The following ZNF317 variants were observed in gnomAD, a reference collection of about 807,000 sequenced individuals.
ZNF317 encodes the protein zinc finger protein 317.
Under a neutral mutation model 23.4 loss-of-function variants are expected in ZNF317, and 17 were observed. The ratio of observed to expected loss-of-function variants is 0.73; its 90% CI spans 0.50 to 1.09. The LOEUF is 1.09. Among genes scored for constraint, ZNF317 ranks in the 50% least tolerant of loss-of-function variants. ZNF317 has a pLI of 0.00. For synonymous variants in ZNF317, 317 were observed against 314.9 expected, an observed-to-expected ratio of 1.01 and a Z score of -0.07; for missense variants, 679 against 796.7, an observed-to-expected ratio of 0.85 and a Z score of 1.78.
rs879243114 is a variant in ZNF317, at chr19:9,160,254, C to T, written c.609C>T (p.Phe203=). The change falls in exon 7 of 7, where the codon TTC becomes TTT. Residue 203 remains phenylalanine (F), a synonymous_variant. Transcript: ENST00000247956. This position sits in a 1 kb window ranked among gnomAD's most constrained non-coding sequence, Gnocchi z 6.8. The stretch of plus-strand genomic sequence containing the variant: ...ACCGCCGCGACTATGGGGTAGCGTT[C>T]AAGGGCAGGCCGCACCTCACTCAGC... ...PYHRRDYGVA[F]KGRPHLTQHM... The T allele has an allele frequency of 1.2e-6, 2 of 1,614,160 alleles. No individual in the cohort carries two copies. The highest frequency in any genetic ancestry group is 1.1e-5 in the South Asian group (1 of 91,084).
chr19:9,144,859 T>A (rs923857049), intron 1 of ZNF317, among the ~76,000 whole-genome samples: 1 of 152,126 alleles, frequency 6.6e-6, no homozygotes, highest in Admixed American at 6.5e-5. Flanking sequence ...TTTGATGATG[T>A]CTCTTTTCTG....
At chr19:9,158,693 T>A in intron 5 of ZNF317, 133 bp from the exon 6 acceptor site, 1 of 660,770 alleles carries the variant, frequency 1.5e-6, no homozygotes, top group South Asian at 1.8e-5. Context: ...CATGACCAGA[T>A]TTTTTAACAA....
rs780336125 is a variant in ZNF317 at position 9,158,889 on chromosome 19, C to A, written c.449C>A (p.Thr150Lys). 9.7e-5 allele frequency: 156 copies of A among 1,611,284 alleles called. No homozygotes were observed. Among genetic ancestry groups the A allele is most frequent in the Non-Finnish European group, 1.3e-4 (152 of 1,177,560 alleles). ...ATGGAAGATATTTTTGGGAAGGAAACGCCCAGTGGTGTGACGATGGTAAGA... is the reference window on the plus strand; with the variant it reads ...ATGGAAGATATTTTTGGGAAGGAAAAGCCCAGTGGTGTGACGATGGTAAGA... ...LLMEDIFGKE[T>K]PSGVTMERAG... The change falls in exon 6 of 7, where the codon ACG (threonine) becomes AAG (lysine). Residue 150 changes from threonine to lysine, a missense_variant. Thr to Lys is a moderately conservative substitution (Grantham distance 78). Coordinates refer to ENST00000247956, the MANE Select transcript of ZNF317 (RefSeq NM_020933.5).
intron 1 of ZNF317, among the ~76,000 whole-genome samples, chr19:9,155,508 G>A (rs1380943522): frequency 6.6e-6 from 1 of 152,184 alleles, no homozygotes; most frequent in Non-Finnish European, 1.5e-5. Context: ...GGGTGTATAT[G>A]TTGGTGTGGA....
intron 4 of ZNF317, chr19:9,157,778 T>C: frequency 7.5e-7 from 1 of 1,331,598 alleles, no homozygotes; most frequent in African/African-American, 1.5e-5. Context: ...CGAGCCACCA[T>C]GCTTTGCCTG....
intron 1 of ZNF317, among the ~76,000 whole-genome samples, chr19:9,143,305 A>C (rs1480471574): frequency 6.6e-6 from 1 of 152,078 alleles, no homozygotes; most frequent in African/African-American, 2.4e-5. Context: ...CTTCTTAAAG[A>C]ACTTCTGGCT....
chr19:9,148,064 C>T (rs951801510), intron 1 of ZNF317, among the ~76,000 whole-genome samples: 1 of 152,172 alleles, frequency 6.6e-6, no homozygotes, highest in African/African-American at 2.4e-5. Context: ...TATGCTTTGC[C>T]TGCTTCCCTT....
chr19:9,157,081 C>T (rs2050791907), intron 3 of ZNF317, 187 bp from the exon 4 acceptor site: 1 of 719,354 alleles, frequency 1.4e-6, no homozygotes, highest in South Asian at 1.9e-5. Flanking sequence ...CGGCACAGGA[C>T]AAGATGGCCT....
rs147877288 is a variant in ZNF317 at position 9,150,853 on chromosome 19, C to T, written c.-92-5072C>T. Among the ~76,000 whole-genome samples the T allele has an allele frequency of 6.9e-4, 105 of 152,250 alleles. 1 individual carries two copies. Among genetic ancestry groups the T allele is most frequent in the African/African-American group, 2.4e-3 (99 of 41,564 alleles). ...TTTGAGAGGCAACAAGATGTGGCTC[C>T]GCAGTCACGTCAGCTGGGCTCACAA... is the stretch of plus-strand genomic sequence containing the variant. On this transcript the variant is annotated intron_variant, in intron 1 of 6. Transcript: ENST00000247956.
chr19:9,141,132 A>C lies in ZNF317; in HGVS notation c.-93+540A>C, dbSNP rs1402368115. Reference sequence around the variant, plus strand: ...TACTATTCAGTTCAACATTTTGTTAATTAACTTGAGTTAGTCCAGTTATAC... The same window carrying C: ...TACTATTCAGTTCAACATTTTGTTACTTAACTTGAGTTAGTCCAGTTATAC... On this transcript the variant is annotated intron_variant, in intron 1 of 6. Transcript: ENST00000247956. Among the ~76,000 whole-genome samples, 4 of 152,172 alleles carry C rather than the reference A, an allele frequency of 2.6e-5. 1 individual carries two copies. The highest frequency in any genetic ancestry group is 2.6e-4 in the Admixed American group (4 of 15,268).
At chr19:9,149,571 G>A (rs1192931403) in intron 1 of ZNF317, among the ~76,000 whole-genome samples, 1 of 151,920 alleles carries the variant, frequency 6.6e-6, no homozygotes, top group African/African-American at 2.4e-5. Context: ...CTGAGAATGT[G>A]GGGGAAACAT....
chr19:9,150,084 G>A (rs377015100), intron 1 of ZNF317, among the ~76,000 whole-genome samples: 3 of 152,264 alleles, frequency 2.0e-5, no homozygotes, highest in South Asian at 2.1e-4. Flanking sequence ...TGCCATCAAC[G>A]TGGGGAGGCT....
At chr19:9,143,238 T>C (rs896741314) in intron 1 of ZNF317, among the ~76,000 whole-genome samples, 1 of 152,142 alleles carries the variant, frequency 6.6e-6, no homozygotes, top group Non-Finnish European at 1.5e-5. Context: ...TTTTTATTTA[T>C]AATAATTATA....
intron 1 of ZNF317, among the ~76,000 whole-genome samples, chr19:9,143,059 T>C (rs188054401): frequency 8.0e-4 from 122 of 152,324 alleles, no homozygotes; most frequent in Non-Finnish European, 1.4e-3. Flanking sequence ...AAAGCTATTG[T>C]TTCTGTTCTT....
chr19:9,158,137 G>A, intron 5 of ZNF317, 62 bp downstream of exon 5: 1 of 1,501,180 alleles, frequency 6.7e-7, no homozygotes, highest in Non-Finnish European at 8.9e-7. Flanking sequence ...GACTGGGGTG[G>A]AGGGAGGTAG....
In ZNF317 at chr19:9,157,348, G is replaced by T; in HGVS notation, c.243G>T (p.Leu81=). 6.2e-7 allele frequency: 1 copy of T among 1,614,056 alleles called. No individual in the cohort carries two copies. The highest frequency in any genetic ancestry group is 8.5e-7 in the Non-Finnish European group (1 of 1,179,996). ...TGCTGGATTCTTCTCAGAGAAAACT[G>T]TACAAAGATGTAATGCTGGAGAACT... is the stretch of plus-strand genomic sequence containing the variant. ...WPLLDSSQRK[L]YKDVMLENYS... The change falls in exon 4 of 7, where the codon CTG becomes CTT. Residue 81 remains leucine, a synonymous_variant. Transcript: ENST00000247956.
rs1251227189 is a variant in ZNF317, at chr19:9,162,615, A to AC, written c.*1183dup. The AC allele has an allele frequency of 1.5e-4, 22 of 151,328 alleles. No individual in the cohort carries two copies. Among genetic ancestry groups the AC allele is most frequent in the African/African-American group, 5.1e-4 (21 of 41,086 alleles). 9.4% of individuals were successfully genotyped at this position (151,328 alleles called of 1,614,324 possible). On this transcript the variant is annotated 3_prime_UTR_variant, in exon 7 of 7. Transcript: ENST00000247956. ...GATTTTCCGGTGAATACGGGACTGC[A>AC]CGTACTCTCTCATCATGAAAACAGA...
chr19:9,158,091 G>C lies in ZNF317; in HGVS notation c.385+16G>C. On this transcript the variant is annotated intron_variant, in intron 5 of 6. Transcript: ENST00000247956. ...GCTTGTGCAGGTGAGCGAGCCCCAG[G>C]CAAAGAGCGGTGCTGTGACTCTACC... The C allele has an allele frequency of 6.5e-7, 1 of 1,547,902 alleles. No homozygotes were observed.
In ZNF317 at chr19:9,161,314, C is replaced by G; in HGVS notation, c.1669C>G (p.Pro557Ala). ...CAGGCGGATCCACACCGGGGAGAAGCCCTACGAATGCCTTGTCTGCGGGAA... is the reference window on the plus strand; with the variant it reads ...CAGGCGGATCCACACCGGGGAGAAGGCCTACGAATGCCTTGTCTGCGGGAA... ...VHRRIHTGEK[P>A]YECLVCGKAF... is the part of the protein sequence containing the mutation. The change falls in exon 7 of 7, where the codon CCC (proline) becomes GCC (alanine). Residue 557 changes from proline to alanine, a missense_variant. By Grantham distance (27) the Pro-to-Ala change is conservative (BLOSUM62 -1). Transcript: ENST00000247956. This position sits in a 1 kb window ranked among gnomAD's most constrained non-coding sequence, Gnocchi z 4.0. The G allele has an allele frequency of 6.2e-7, 1 of 1,613,936 alleles. No homozygotes were observed. Among genetic ancestry groups the G allele is most frequent in the Non-Finnish European group, 8.5e-7 (1 of 1,179,872 alleles).
Sources: allele counts gnomAD v4.1 joint callset (sites outside exome capture counted in the v4.1 genomes callset), GRCh38; gene constraint gnomAD v4.1.1; non-coding constraint Gnocchi (gnomAD v3.1); transcripts MANE v1.5; gene names NCBI Gene and HGNC (gene_info 2026-07-23, HGNC 2026-07-21).